The following FTCDNL1 variants were observed in gnomAD, a reference collection of about 807,000 sequenced individuals.
FTCDNL1 encodes formiminotransferase N-terminal subdomain-containing protein.
A neutral mutation model predicts 5.9 loss-of-function variants in FTCDNL1; 11 were observed. The ratio of observed to expected loss-of-function variants is 1.87; its 90% CI spans 1.18 to 3.10. FTCDNL1 has a LOEUF of 3.10. Ranked by LOEUF, FTCDNL1 falls within the 30% of genes most tolerant of loss-of-function variation. The pLI, the probability that FTCDNL1 is intolerant of heterozygous loss-of-function variation, is 0.00. For missense variants in FTCDNL1, 115 were observed against 65.5 expected, an observed-to-expected ratio of 1.76 and a Z score of -2.61; for synonymous variants, 58 against 24.8, an observed-to-expected ratio of 2.34 and a Z score of -3.99.
At chr2:199,779,603 C>A (rs1238097199) in intron 3 of FTCDNL1, among the ~76,000 whole-genome samples, 3 of 152,096 alleles carry the variant, frequency 2.0e-5, no homozygotes, top group African/African-American at 7.2e-5. Flanking sequence ...AGAACCCCTG[C>A]AAAAAAGCGA....
the FTCDNL1 span, among the ~76,000 whole-genome samples, chr2:199,748,076 T>C: frequency 6.6e-6 from 1 of 152,184 alleles, no homozygotes; most frequent in Admixed American, 6.5e-5. Context: ...ACTTTTGAAA[T>C]GTAAACAAGA....
chr2:199,779,828 TCGC>T (rs1699273777), intron 3 of FTCDNL1, among the ~76,000 whole-genome samples: 1 of 152,166 alleles, frequency 6.6e-6, no homozygotes, highest in Non-Finnish European at 1.5e-5. Flanking sequence ...GGGGTTGTCC[TCGC>T]TCCTAAGAAG....
chr2:199,839,620 G>A (rs2076528569), intron 3 of FTCDNL1, among the ~76,000 whole-genome samples: 1 of 152,164 alleles, frequency 6.6e-6, no homozygotes, highest in South Asian at 2.1e-4. Context: ...GATGGAAACA[G>A]ACCCATACAA....
rs138444367 is a variant in FTCDNL1 at position 199,797,384 on chromosome 2, T to G, written c.212-36549A>C. Among the ~76,000 whole-genome samples the G allele has an allele frequency of 2.7e-3, 410 of 152,334 alleles. 3 individuals are homozygous for G. Among genetic ancestry groups the G allele is most frequent in the Non-Finnish European group, 2.8e-3 (190 of 68,030 alleles). Reference sequence around the variant, plus strand: ...ACCTGAAATTTCATGCGTTTGAGTGTCTTAATTCTTTTTTTATTTACAACA... The same window carrying G: ...ACCTGAAATTTCATGCGTTTGAGTGGCTTAATTCTTTTTTTATTTACAACA... On this transcript the variant is annotated intron_variant, in intron 3 of 3. Transcript: ENST00000416668.
At chr2:199,704,952 A>T in the FTCDNL1 span, among the ~76,000 whole-genome samples, 1 of 152,174 alleles carries the variant, frequency 6.6e-6, no homozygotes, top group African/African-American at 2.4e-5. Context: ...CACTAAGAGG[A>T]CTGAGGTTCT....
At chr2:199,763,623 A>C (rs1401145453) in intron 3 of FTCDNL1, among the ~76,000 whole-genome samples, 1 of 152,110 alleles carries the variant, frequency 6.6e-6, no homozygotes, top group Non-Finnish European at 1.5e-5. Flanking sequence ...GGATGAGACA[A>C]CTTGGGGATT....
Position 199,811,314 on chromosome 2 carries a change from T to C in FTCDNL1, c.*1391A>G, listed in dbSNP as rs1198884102. On this transcript the variant is annotated 3_prime_UTR_variant, in exon 5 of 5. Transcript: ENST00000420128. ...CTTTAACAGAAAACTTCCAAACATTTTTCTCTCATTTACCCCCCAATAAGT... is the reference window on the plus strand; with the variant it reads ...CTTTAACAGAAAACTTCCAAACATTCTTCTCTCATTTACCCCCCAATAAGT... Among the ~76,000 whole-genome samples the C allele has an allele frequency of 6.6e-6, 1 of 152,176 alleles. No homozygotes were observed. Among genetic ancestry groups the C allele is most frequent in the African/African-American group, 2.4e-5 (1 of 41,428 alleles).
chr2:199,780,662 C>T (rs567356190), intron 3 of FTCDNL1, among the ~76,000 whole-genome samples: 20 of 152,288 alleles, frequency 1.3e-4, no homozygotes, highest in Admixed American at 8.5e-4. Flanking sequence ...GGCAAAGTAG[C>T]ACACACCCTC....
the FTCDNL1 span, among the ~76,000 whole-genome samples, chr2:199,717,204 G>T: frequency 1.3e-5 from 2 of 152,154 alleles, no homozygotes; most frequent in Admixed American, 6.6e-5. Context: ...AACACAAAAA[G>T]AATTAGAAGC....
At chr2:199,816,121 T>C (rs982433258) in intron 4 of FTCDNL1, among the ~76,000 whole-genome samples, 2 of 152,214 alleles carry the variant, frequency 1.3e-5, no homozygotes, top group African/African-American at 2.4e-5. Flanking sequence ...AACTCTACTA[T>C]CTGGTGTGAG....
At chr2:199,769,426 C>A (rs1376854384) in intron 3 of FTCDNL1, among the ~76,000 whole-genome samples, 2 of 152,128 alleles carry the variant, frequency 1.3e-5, no homozygotes, top group Admixed American at 6.5e-5. Flanking sequence ...TCTTGCCTGC[C>A]ACCATGTAAG....
chr2:199,706,028 G>A, the FTCDNL1 span, among the ~76,000 whole-genome samples: 1 of 152,266 alleles, frequency 6.6e-6, no homozygotes, highest in Middle Eastern at 3.4e-3. Flanking sequence ...AGTTATAACA[G>A]GGGAAAGTGC....
downstream of FTCDNL1, among the ~76,000 whole-genome samples, chr2:199,756,727 T>G (rs774444728): frequency 1.2e-4 from 18 of 152,306 alleles, no homozygotes; most frequent in Admixed American, 7.8e-4. Flanking sequence ...TAACAAATAC[T>G]TCCAAATATC....
chr2:199,715,313 G>A, the FTCDNL1 span, among the ~76,000 whole-genome samples: 1 of 152,104 alleles, frequency 6.6e-6, no homozygotes, highest in African/African-American at 2.4e-5. Flanking sequence ...TTGAACTGTG[G>A]CTCCCATAAT....
chr2:199,841,082 C>T (rs574185828), intron 3 of FTCDNL1, among the ~76,000 whole-genome samples: 1 of 152,020 alleles, frequency 6.6e-6, no homozygotes, highest in East Asian at 1.9e-4. Flanking sequence ...ACTAGAGAGG[C>T]AGAGGTTGCA....
At chr2:199,727,913 T>C in the FTCDNL1 span, among the ~76,000 whole-genome samples, 1 of 152,232 alleles carries the variant, frequency 6.6e-6, no homozygotes, top group Non-Finnish European at 1.5e-5. Flanking sequence ...CATACCCGTG[T>C]GACTTGGCCA....
chr2:199,779,901 G>A (rs1256222133), intron 3 of FTCDNL1, among the ~76,000 whole-genome samples: 1 of 152,220 alleles, frequency 6.6e-6, no homozygotes. Flanking sequence ...CAAGACAACT[G>A]AGGGCTTCTT....
At chr2:199,829,011 C>G (rs1174402733) in intron 3 of FTCDNL1, among the ~76,000 whole-genome samples, 1 of 152,174 alleles carries the variant, frequency 6.6e-6, no homozygotes, top group Admixed American at 6.6e-5. Flanking sequence ...GTCATATTCA[C>G]AGCAGTCAAA....
chr2:199,690,842 G>C, the FTCDNL1 span, among the ~76,000 whole-genome samples: 5 of 152,148 alleles, frequency 3.3e-5, no homozygotes, highest in Non-Finnish European at 7.3e-5. Flanking sequence ...ATGCATTTTT[G>C]AGTTATGCTT....
Sources: allele counts gnomAD v4.1 joint callset (sites outside exome capture counted in the v4.1 genomes callset), GRCh38; gene constraint gnomAD v4.1.1; transcripts MANE v1.5; gene names NCBI Gene and HGNC (gene_info 2026-07-23, HGNC 2026-07-21).